Variants in GLRA3 observed in about 807,000 individuals in gnomAD.
GLRA3 encodes glycine receptor alpha 3.
Under a neutral mutation model 60.4 loss-of-function variants are expected in GLRA3, and 44 were observed. The ratio of observed to expected loss-of-function variants is 0.73; its 90% CI spans 0.57 to 0.94. GLRA3 has a LOEUF of 0.94. GLRA3 is among the 40% of genes least tolerant of loss of function. GLRA3 has a pLI of 0.00. For missense variants in GLRA3, 508 were observed against 564.6 expected (o/e 0.90, Z 1.02); for synonymous variants, 223 against 192.9 (o/e 1.16, Z -1.29).
chr4:174,709,962 ATTTTC>A (rs1735651560), intron 5 of GLRA3, among the ~76,000 whole-genome samples: 2 of 142,320 alleles, frequency 1.4e-5, no homozygotes, highest in African/African-American at 2.5e-5. Flanking sequence ...CATAATGTTG[ATTTTC>A]TTTTTTTTTT....
intron 7 of GLRA3, among the ~76,000 whole-genome samples, 175 bp downstream of exon 7, chr4:174,676,902 AT>A (rs1018306406): frequency 1.5e-4 from 23 of 152,128 alleles, no homozygotes; most frequent in Non-Finnish European, 2.6e-4. Flanking sequence ...GGTTTGCAGA[AT>A]TTTTTTCATT....
At chr4:174,702,879 A>G (rs1735378805) in intron 5 of GLRA3, among the ~76,000 whole-genome samples, 1 of 152,218 alleles carries the variant, frequency 6.6e-6, no homozygotes, top group Non-Finnish European at 1.5e-5. Flanking sequence ...TATATAAAGG[A>G]CATACTATAG....
In GLRA3 at chr4:174,800,016, A is replaced by T. The variant is rs188724579; in HGVS notation, c.72-11073T>A. On this transcript the variant is annotated intron_variant, in intron 1 of 9. Transcript: ENST00000274093. ...AAAAACTGAGAATTTCAACATGGAA[A>T]TCTATTATAATTAATAACTAAATGG... Among the ~76,000 whole-genome samples, 38 of 152,290 alleles carry T rather than the reference A, an allele frequency of 2.5e-4. No homozygotes were observed. The East Asian group carries it at 6.9e-3, about 28-fold the overall frequency.
chr4:174,739,116 A>G (rs1476989147), intron 3 of GLRA3, among the ~76,000 whole-genome samples: 1 of 152,244 alleles, frequency 6.6e-6, no homozygotes, highest in Non-Finnish European at 1.5e-5. Flanking sequence ...CTATGCAGCA[A>G]CAACTGGAAT....
chr4:174,724,586 T>C (rs1736250145), intron 4 of GLRA3, among the ~76,000 whole-genome samples: 1 of 152,214 alleles, frequency 6.6e-6, no homozygotes, highest in African/African-American at 2.4e-5. Context: ...GGAAAGTCTA[T>C]TGTATTCACT....
Position 174,637,735 on chromosome 4 carries a change from AT to A in GLRA3, c.*6050del, listed in dbSNP as rs1732531600. 1 of 152,182 alleles carries A rather than the reference AT, an allele frequency of 6.6e-6. No homozygotes were observed. Among genetic ancestry groups the A allele is most frequent in the Non-Finnish European group, 1.5e-5 (1 of 68,030 alleles). 9.4% of individuals were successfully genotyped at this position (152,182 alleles called of 1,614,324 possible). On this transcript the variant is annotated 3_prime_UTR_variant, in exon 10 of 10. Coordinates refer to ENST00000274093, the MANE Select transcript of GLRA3 (RefSeq NM_006529.4). ...TTGCTGCTAGTTTTTTTAAATTCAT[AT>A]TACTTTGTAGAGTTTTATATAATAT...
At chr4:174,654,229 A>G (rs1435743885) in intron 9 of GLRA3, among the ~76,000 whole-genome samples, 1 of 152,194 alleles carries the variant, frequency 6.6e-6, no homozygotes, top group East Asian at 1.9e-4. Flanking sequence ...TCAGAATAGT[A>G]TATACGTACG....
chr4:174,724,200 A>G (rs1449738051), intron 4 of GLRA3, among the ~76,000 whole-genome samples: 2 of 151,942 alleles, frequency 1.3e-5, no homozygotes, highest in African/African-American at 4.8e-5. Context: ...TACTGTGTTC[A>G]GTCATGTTCT....
chr4:174,764,438 C>A (rs1738059050), intron 3 of GLRA3, among the ~76,000 whole-genome samples: 1 of 151,834 alleles, frequency 6.6e-6, no homozygotes, highest in East Asian at 1.9e-4. Context: ...TAAATATATT[C>A]ATTAATGATT....
At position 174,737,088 on chromosome 4, in the gene GLRA3, G is replaced by GT. The variant is rs531889093; in HGVS notation, c.268-8391dup. On this transcript the variant is annotated intron_variant, in intron 3 of 9. Coordinates refer to ENST00000274093, the MANE Select transcript of GLRA3 (RefSeq NM_006529.4). ...ATCTATTTACTTCACACTAATCAGTGTTTTTTTTAAAATATCATATGTAAT... is the reference window on the plus strand; with the variant it reads ...ATCTATTTACTTCACACTAATCAGTGTTTTTTTTTAAAATATCATATGTAAT... Among the ~76,000 whole-genome samples, 412 of 151,934 alleles carry GT rather than the reference G, an allele frequency of 2.7e-3. 1 individual carries two copies. Among genetic ancestry groups the GT allele is most frequent in the African/African-American group, 9.4e-3 (391 of 41,454 alleles).
chr4:174,672,945 C>T (rs142757418), intron 7 of GLRA3, among the ~76,000 whole-genome samples: 45 of 151,798 alleles, frequency 3.0e-4, no homozygotes, highest in Middle Eastern at 6.8e-3. Flanking sequence ...TGTGTGTGTG[C>T]ATCTGTTTGA....
At chr4:174,762,584 A>T (rs960465082) in intron 3 of GLRA3, among the ~76,000 whole-genome samples, 9 of 152,138 alleles carry the variant, frequency 5.9e-5, no homozygotes, top group African/African-American at 2.2e-4. Flanking sequence ...ACTTTTTCTG[A>T]TGAAAAATAA....
intron 3 of GLRA3, among the ~76,000 whole-genome samples, chr4:174,732,123 G>A (rs576103950): frequency 7.2e-4 from 110 of 152,278 alleles, no homozygotes; most frequent in Non-Finnish European, 8.4e-4. Context: ...TCGGGAGGCC[G>A]AGGTGGGCGG....
At chr4:174,758,156 T>A (rs1032866377) in intron 3 of GLRA3, among the ~76,000 whole-genome samples, 1 of 152,226 alleles carries the variant, frequency 6.6e-6, no homozygotes, top group African/African-American at 2.4e-5. Context: ...AAAACTGTTT[T>A]CTTTATAAAT....
At chr4:174,797,549 T>A (rs1371356029) in intron 1 of GLRA3, among the ~76,000 whole-genome samples, 1 of 152,174 alleles carries the variant, frequency 6.6e-6, no homozygotes, top group Non-Finnish European at 1.5e-5. Flanking sequence ...ACTTGAAAGT[T>A]CAGAAACTTT....
chr4:174,754,395 T>C (rs1737604423), intron 3 of GLRA3, among the ~76,000 whole-genome samples: 2 of 152,124 alleles, frequency 1.3e-5, no homozygotes, highest in South Asian at 4.1e-4. Context: ...ATATTTGGTT[T>C]GGCTTTACCT....
At chr4:174,760,692 G>GA (rs1554019087) in intron 3 of GLRA3, among the ~76,000 whole-genome samples, 2 of 152,036 alleles carry the variant, frequency 1.3e-5, no homozygotes, top group Admixed American at 6.6e-5. Flanking sequence ...GCTAATTCTT[G>GA]TTTTTTTAGT....
intron 7 of GLRA3, among the ~76,000 whole-genome samples, chr4:174,662,443 T>G (rs1449554521): frequency 6.6e-6 from 1 of 152,182 alleles, no homozygotes; most frequent in Admixed American, 6.5e-5. Flanking sequence ...GCCCTACTTC[T>G]TTGGACCCAA....
rs1034241617 is a variant in GLRA3, at chr4:174,751,066, T to C, written c.267+15897A>G. Reference sequence around the variant, plus strand: ...AAAGAGAAGCCTGTCTGTCTGTCTATCTATCTATCTATCTATCTATCTATC... The same window carrying C: ...AAAGAGAAGCCTGTCTGTCTGTCTACCTATCTATCTATCTATCTATCTATC... On this transcript the variant is annotated intron_variant, in intron 3 of 9. Transcript: ENST00000274093. Among the ~76,000 whole-genome samples the C allele has an allele frequency of 9.7e-5, 12 of 123,476 alleles. No homozygotes were observed. The East Asian group carries it at 1.7e-3, about 17-fold the overall frequency. The allele number at this position is 123,476 out of a possible 152,430, so 81.0% of individuals were successfully genotyped here.
Sources: allele counts gnomAD v4.1 joint callset (sites outside exome capture counted in the v4.1 genomes callset), GRCh38; gene constraint gnomAD v4.1.1; transcripts MANE v1.5; gene names NCBI Gene and HGNC (gene_info 2026-07-23, HGNC 2026-07-21).